The following COPS8 variants were observed in gnomAD, a reference collection of about 807,000 sequenced individuals.
The protein encoded by COPS8 is COP9 signalosome complex subunit 8.
In COPS8, 11 loss-of-function variants were observed where a neutral mutation model predicts 31.5. The observed-to-expected ratio is 0.35, with a 90% CI of 0.22 to 0.58. The LOEUF (loss-of-function observed/expected upper bound fraction) is 0.58, where lower values mean the gene tolerates loss of function less well. Among genes scored for constraint, COPS8 ranks in the 20% least tolerant of loss-of-function variants. The pLI is 0.83. For synonymous variants in COPS8, 81 were observed against 89.3 expected, an observed-to-expected ratio of 0.91 and a Z score of 0.52; for missense variants, 215 against 255.1, an observed-to-expected ratio of 0.84 and a Z score of 1.07.
intron 5 of COPS8, 119 bp downstream of exon 5, chr2:237,094,316 T>A: frequency 2.1e-6 from 2 of 936,404 alleles, no homozygotes; most frequent in South Asian, 3.5e-5. Context: ...CAGGCTGTGT[T>A]TTTTGAGAGG....
rs7602581 is a variant in COPS8 at position 237,095,910 on chromosome 2, G to A, written c.502+26G>A. 3,005 of 1,535,830 alleles carry A rather than the reference G, an allele frequency of 2.0e-3. 53 individuals carry two copies. In the African/African-American group the frequency reaches 0.036, roughly 19 times the overall value. On this transcript the variant is annotated intron_variant, in intron 6 of 7. Coordinates refer to ENST00000354371, the MANE Select transcript of COPS8 (RefSeq NM_006710.5). Reference sequence around the variant, plus strand: ...GTAGGTGGAGCTTTCACCCATTTACGCAGCACTGGACTCTTCTAAGACTGC... The same window carrying A: ...GTAGGTGGAGCTTTCACCCATTTACACAGCACTGGACTCTTCTAAGACTGC...
At chr2:237,090,409 A>G (rs1696686576) in intron 4 of COPS8, among the ~76,000 whole-genome samples, 1 of 152,192 alleles carries the variant, frequency 6.6e-6, no homozygotes, top group African/African-American at 2.4e-5. Flanking sequence ...TAATACATAG[A>G]TGCTCAAATG....
At chr2:237,092,582 T>C (rs1300489520) in intron 4 of COPS8, among the ~76,000 whole-genome samples, 1 of 152,264 alleles carries the variant, frequency 6.6e-6, no homozygotes, top group African/African-American at 2.4e-5. Flanking sequence ...TGTTGGCTCT[T>C]TTCCATTGTT....
intron 4 of COPS8, among the ~76,000 whole-genome samples, chr2:237,093,112 A>C (rs919969313): frequency 6.6e-6 from 1 of 152,172 alleles, no homozygotes; most frequent in African/African-American, 2.4e-5. Context: ...GGAATGGTAG[A>C]GAGCAGACAG....
intron 2 of COPS8, among the ~76,000 whole-genome samples, chr2:237,088,091 G>C (rs1266053980): frequency 2.0e-5 from 3 of 151,858 alleles, no homozygotes; most frequent in Non-Finnish European, 4.4e-5. Flanking sequence ...ACATATGTAA[G>C]GTTTTTGTTT....
Position 237,094,077 on chromosome 2 carries a change from A to G in COPS8, c.332-13A>G. 1.9e-6 allele frequency: 3 copies of G among 1,610,532 alleles called. No individual in the cohort carries two copies. The highest frequency in any genetic ancestry group is 2.5e-6 in the Non-Finnish European group (3 of 1,178,116). ...CTGGTTCACTCTCTGCCAACCCACCACTCCCACAATAGATGCAACAAGGAG... is the reference window on the plus strand; with the variant it reads ...CTGGTTCACTCTCTGCCAACCCACCGCTCCCACAATAGATGCAACAAGGAG... On this transcript the variant is annotated splice_polypyrimidine_tract_variant and intron_variant, in intron 4 of 7. Coordinates refer to ENST00000354371, the MANE Select transcript of COPS8 (RefSeq NM_006710.5).
intron 6 of COPS8, 157 bp from the exon 7 acceptor site, chr2:237,096,665 G>A: frequency 1.5e-6 from 1 of 670,668 alleles, no homozygotes; most frequent in Non-Finnish European, 2.7e-6. Context: ...TGGGGGAAGA[G>A]TAATATAATA....
At position 237,099,987 on chromosome 2, in the gene COPS8, C is replaced by A. The variant is rs1696867986; in HGVS notation, c.*2245C>A. ...TAACCTCATCACTGTACAAGAAAGG[C>A]AGGGTAAGTGCTTGATTTCACTTCC... On this transcript the variant is annotated 3_prime_UTR_variant, in exon 8 of 8. Coordinates refer to ENST00000354371, the MANE Select transcript of COPS8 (RefSeq NM_006710.5). The A allele has an allele frequency of 6.6e-6, 1 of 152,142 alleles. No individual in the cohort carries two copies. The allele number at this position is 152,142 out of a possible 1,614,324, so 9.4% of individuals were successfully genotyped here.
At chr2:237,086,769 G>C in intron 1 of COPS8, 1 of 982,192 alleles carries the variant, frequency 1.0e-6, no homozygotes, top group South Asian at 4.6e-5. Flanking sequence ...AATGCTTCAG[G>C]AATCTGTCGA....
chr2:237,091,053 T>C lies in COPS8; in HGVS notation c.331+1059T>C, dbSNP rs191902345. Among the ~76,000 whole-genome samples the C allele has an allele frequency of 5.0e-3, 763 of 152,296 alleles. 9 individuals carry two copies. Among genetic ancestry groups the C allele is most frequent in the African/African-American group, 0.017 (719 of 41,558 alleles). On this transcript the variant is annotated intron_variant, in intron 4 of 7. Coordinates refer to ENST00000354371, the MANE Select transcript of COPS8 (RefSeq NM_006710.5). The stretch of plus-strand genomic sequence containing the variant: ...ATTGTGGTGGGGCGGTCACAGGCCA[T>C]GTGCCTTTTCCCAGTGTTTTACAGC...
rs769773203 is a variant in COPS8 at position 237,098,816 on chromosome 2, AGTG to A, written c.*1075_*1077del. 4.6e-5 allele frequency: 7 copies of A among 152,346 alleles called. No individual in the cohort carries two copies. The East Asian group carries it at 7.7e-4, about 17-fold the overall frequency. The allele number at this position is 152,346 out of a possible 1,614,324, so 9.4% of individuals were successfully genotyped here. On this transcript the variant is annotated 3_prime_UTR_variant, in exon 8 of 8. Coordinates refer to ENST00000354371, the MANE Select transcript of COPS8 (RefSeq NM_006710.5). The stretch of plus-strand genomic sequence containing the variant: ...AATGAGTTGTATGGTGAATCTGTGT[AGTG>A]ATAATTATATAATTTATTTATTTTG...
chr2:237,093,530 A>T, intron 4 of COPS8: 1 of 242,890 alleles, frequency 4.1e-6, no homozygotes, highest in South Asian at 1.5e-4. Context: ...CGTTGCTGGT[A>T]TTGTTTGGCA....
At position 237,097,908 on chromosome 2, in the gene COPS8, C is replaced by A; in HGVS notation, c.*166C>A. On this transcript the variant is annotated 3_prime_UTR_variant, in exon 8 of 8. Coordinates refer to ENST00000354371, the MANE Select transcript of COPS8 (RefSeq NM_006710.5). ...TAAGATATACTATATACATTTTGTC[C>A]ATAAACGTTATGCTGAATAGTTGTT... 1 of 509,842 alleles carries A rather than the reference C, an allele frequency of 2.0e-6. No individual in the cohort carries two copies. The highest frequency in any genetic ancestry group is 3.5e-6 in the Non-Finnish European group (1 of 287,694). 31.6% of individuals were successfully genotyped at this position (509,842 alleles called of 1,614,324 possible).
chr2:237,096,341 T>G (rs889236242), intron 6 of COPS8, among the ~76,000 whole-genome samples: 23 of 152,332 alleles, frequency 1.5e-4, no homozygotes, highest in Admixed American at 5.2e-4. Flanking sequence ...TTAATTTCTA[T>G]GACCTGCCCT....
rs1696789108 is a variant in COPS8 at position 237,095,794 on chromosome 2, G to A, written c.440-28G>A. The A allele has an allele frequency of 2.0e-6, 3 of 1,505,266 alleles. No homozygotes were observed. In the East Asian group the frequency reaches 6.8e-5, roughly 34 times the overall value. The allele number at this position is 1,505,266 out of a possible 1,614,324, so 93.2% of individuals were successfully genotyped here. A position where few individuals can be genotyped will look rare whatever the true frequency, so the allele number is the denominator to read the frequency against. On this transcript the variant is annotated intron_variant, in intron 5 of 7. Coordinates refer to ENST00000354371, the MANE Select transcript of COPS8 (RefSeq NM_006710.5). ...TTTGTGGGGTGTTTTATTCTTTCCG[G>A]ATCTTTATGTGTAATATACTTTTTT... is the stretch of plus-strand genomic sequence containing the variant.
At position 237,085,938 on chromosome 2, in the gene COPS8, G is replaced by C. The variant is rs371849671; in HGVS notation, c.-27G>C. The C allele has an allele frequency of 1.2e-6, 2 of 1,607,146 alleles. No homozygotes were observed. Among genetic ancestry groups the C allele is most frequent in the African/African-American group, 1.3e-5 (1 of 74,850 alleles). On this transcript the variant is annotated 5_prime_UTR_variant, in exon 1 of 8. Transcript: ENST00000354371. ...CAGTCTGGGGTTTGGCTGTCCGGAC[G>C]GTGCAGCGGCGAGGCCGGCCGCGAA...
rs552906947 is a variant in COPS8, at chr2:237,098,435, A to G, written c.*693A>G. ...GTCGCCTTTTAGAAGGAGAAACTTAAGTGTGGAATGCATTATATGGGCAAA... is the reference window on the plus strand; with the variant it reads ...GTCGCCTTTTAGAAGGAGAAACTTAGGTGTGGAATGCATTATATGGGCAAA... On this transcript the variant is annotated 3_prime_UTR_variant, in exon 8 of 8. Transcript: ENST00000354371. 1.2e-4 allele frequency: 18 copies of G among 152,386 alleles called. No individual in the cohort carries two copies. The highest frequency in any genetic ancestry group is 4.1e-4 in the African/African-American group (17 of 41,582). 9.4% of individuals were successfully genotyped at this position (152,386 alleles called of 1,614,324 possible). A position where few individuals can be genotyped will look rare whatever the true frequency, so the allele number is the denominator to read the frequency against.
chr2:237,096,084 TA>T (rs1696795521), intron 6 of COPS8, among the ~76,000 whole-genome samples, 200 bp downstream of exon 6: 1 of 152,250 alleles, frequency 6.6e-6, no homozygotes, highest in South Asian at 2.1e-4. Flanking sequence ...TTCCTGTATA[TA>T]AATGATTTTA....
rs77439379 is a variant in COPS8 at position 237,096,514 on chromosome 2, C to A, written c.503-308C>A. Among the ~76,000 whole-genome samples the A allele has an allele frequency of 4.6e-5, 7 of 152,286 alleles. No homozygotes were observed. In the East Asian group the frequency reaches 1.3e-3, roughly 29 times the overall value. Reference sequence around the variant, plus strand: ...CCCACTTCCATAAACCCGCCTTCATCCACGTCAGCCCAAATTTCCTTCCAC... The same window carrying A: ...CCCACTTCCATAAACCCGCCTTCATACACGTCAGCCCAAATTTCCTTCCAC... On this transcript the variant is annotated intron_variant, in intron 6 of 7. Transcript: ENST00000354371.
Sources: gnomAD v4.1 joint callset for allele counts (sites outside exome capture counted in the v4.1 genomes callset) on GRCh38, gnomAD v4.1.1 for gene constraint, MANE v1.5 for transcripts, NCBI Gene and HGNC (gene_info 2026-07-23, HGNC 2026-07-21) for gene names.